Variants in CMKLR2 observed in about 807,000 individuals in gnomAD.
CMKLR2 encodes the protein chemerin chemokine-like receptor 2.
Under a neutral mutation model 23.0 loss-of-function variants are expected in CMKLR2, and 18 were observed. The observed-to-expected ratio is 0.78, with a 90% CI of 0.54 to 1.16. The LOEUF is 1.16. CMKLR2 is among the 50% of genes most tolerant of loss of function. The pLI, the probability that CMKLR2 is intolerant of heterozygous loss-of-function variation, is 0.00. For synonymous variants in CMKLR2, 158 were observed against 158.9 expected, an observed-to-expected ratio of 0.99 and a Z score of 0.05; for missense variants, 401 against 412.7, an observed-to-expected ratio of 0.97 and a Z score of 0.25.
At chr2:206,184,382 C>T (rs761932239) in intron 1 of CMKLR2, among the ~76,000 whole-genome samples, 10 of 151,346 alleles carry the variant, frequency 6.6e-5, no homozygotes, top group African/African-American at 2.4e-4. Flanking sequence ...CTGCAACCTC[C>T]GTCTCCCGGT....
chr2:206,198,061 G>A (rs1295358170), intron 1 of CMKLR2, among the ~76,000 whole-genome samples: 1 of 152,196 alleles, frequency 6.6e-6, no homozygotes, highest in Non-Finnish European at 1.5e-5. Context: ...ATGGAGGGTT[G>A]ACGTTAGGGT....
chr2:206,206,676 C>T (rs1232456916), intron 1 of CMKLR2, among the ~76,000 whole-genome samples: 2 of 152,156 alleles, frequency 1.3e-5, no homozygotes, highest in African/African-American at 2.4e-5. Context: ...TCTCCGCCAC[C>T]AACCTGTGGT....
chr2:206,201,110 C>T (rs924787118), intron 1 of CMKLR2, among the ~76,000 whole-genome samples: 6 of 152,114 alleles, frequency 3.9e-5, no homozygotes, highest in Non-Finnish European at 8.8e-5. Context: ...CACCACCACT[C>T]CTGGCTAATT....
chr2:206,191,016 A>C (rs958347957), intron 1 of CMKLR2, among the ~76,000 whole-genome samples: 1 of 152,212 alleles, frequency 6.6e-6, no homozygotes, highest in African/African-American at 2.4e-5. Flanking sequence ...GGTTAGGAAG[A>C]AACTTTTAGG....
intron 1 of CMKLR2, among the ~76,000 whole-genome samples, chr2:206,180,734 CATTATTATT>C (rs58356678): frequency 7.7e-6 from 1 of 130,562 alleles, no homozygotes; most frequent in Admixed American, 8.2e-5. Flanking sequence ...GTGCCCAGCC[CATTATTATT>C]ATTATTATTA....
intron 1 of CMKLR2, among the ~76,000 whole-genome samples, chr2:206,204,815 T>C (rs1017615600): frequency 6.6e-6 from 1 of 152,210 alleles, no homozygotes; most frequent in African/African-American, 2.4e-5. Context: ...AAATAATGGT[T>C]TCCTGCTGTT....
chr2:206,193,442 G>A (rs947910244), intron 1 of CMKLR2, among the ~76,000 whole-genome samples: 1 of 152,128 alleles, frequency 6.6e-6, no homozygotes, highest in Non-Finnish European at 1.5e-5. Flanking sequence ...CTTTTTATCA[G>A]GAAGAATATG....
At chr2:206,196,723 C>T (rs1229053051) in intron 1 of CMKLR2, among the ~76,000 whole-genome samples, 5 of 152,240 alleles carry the variant, frequency 3.3e-5, no homozygotes, top group Admixed American at 6.5e-5. Context: ...TTTAGTACTA[C>T]GTCAGAAGTC....
intron 1 of CMKLR2, among the ~76,000 whole-genome samples, chr2:206,195,857 G>T (rs986897274): frequency 3.3e-5 from 5 of 152,120 alleles, no homozygotes; most frequent in African/African-American, 9.7e-5. Flanking sequence ...GGGAGGCTGA[G>T]GCAGAAGAAT....
intron 1 of CMKLR2, among the ~76,000 whole-genome samples, chr2:206,182,342 C>T (rs377302317): frequency 3.9e-4 from 59 of 152,192 alleles, no homozygotes; most frequent in African/African-American, 1.3e-3. Context: ...TACAGCATTC[C>T]CCCTTCTGTC....
upstream of CMKLR2, among the ~76,000 whole-genome samples, chr2:206,214,643 A>C (rs1689690614): frequency 6.6e-6 from 1 of 151,156 alleles, no homozygotes; most frequent in Non-Finnish European, 1.5e-5. Context: ...TTTTTTTTTG[A>C]GACGGAGTCT....
intron 1 of CMKLR2, among the ~76,000 whole-genome samples, chr2:206,198,214 G>A (rs1688980210): frequency 6.6e-6 from 1 of 152,088 alleles, no homozygotes; most frequent in Non-Finnish European, 1.5e-5. Flanking sequence ...TGCCTCAATT[G>A]CCTTATCCTA....
At chr2:206,187,412 A>G (rs1035826234) in intron 1 of CMKLR2, among the ~76,000 whole-genome samples, 1 of 152,232 alleles carries the variant, frequency 6.6e-6, no homozygotes, top group African/African-American at 2.4e-5. Flanking sequence ...GAATTGACAG[A>G]CCCAATCTGT....
intron 1 of CMKLR2, among the ~76,000 whole-genome samples, chr2:206,181,022 T>C (rs1688395479): frequency 6.6e-6 from 1 of 151,514 alleles, no homozygotes; most frequent in Non-Finnish European, 1.5e-5. Context: ...CCCAAAGTGT[T>C]GTATTGGGAT....
At position 206,187,434 on chromosome 2, in the gene CMKLR2, C is replaced by T. The variant is rs73067888; in HGVS notation, c.-28-10159G>A. ...CAGACCCAATCTGTGGAGATTAGATCGTGAAAATGAACTGTGTGATAATGC... is the reference window on the plus strand; with the variant it reads ...CAGACCCAATCTGTGGAGATTAGATTGTGAAAATGAACTGTGTGATAATGC... On this transcript the variant is annotated intron_variant, in intron 1 of 1. Transcript: ENST00000621141. Among the ~76,000 whole-genome samples, 1,389 of 152,220 alleles carry T rather than the reference C, an allele frequency of 9.1e-3. 13 individuals carry two copies. Among genetic ancestry groups the T allele is most frequent in the African/African-American group, 0.031 (1,288 of 41,524 alleles).
chr2:206,189,633 T>G (rs925734391), intron 1 of CMKLR2, among the ~76,000 whole-genome samples: 3 of 141,056 alleles, frequency 2.1e-5, no homozygotes, highest in Non-Finnish European at 4.6e-5. Flanking sequence ...AGACTTCATC[T>G]AAAAAGAAAA....
intron 1 of CMKLR2, among the ~76,000 whole-genome samples, chr2:206,212,465 T>C (rs1004886630): frequency 6.6e-6 from 1 of 151,818 alleles, no homozygotes; most frequent in African/African-American, 2.4e-5. Flanking sequence ...GGTGAATGAG[T>C]CTGCCTTAAG....
chr2:206,189,629 C>T lies in CMKLR2; in HGVS notation c.-28-12354G>A, dbSNP rs182486407. On this transcript the variant is annotated intron_variant, in intron 1 of 1. Transcript: ENST00000621141. ...CAGCCTGGGCAATAGAGTGAGACTT[C>T]ATCTAAAAAGAAAAAAAAAAAAGAA... Among the ~76,000 whole-genome samples, 4 of 146,134 alleles carry T rather than the reference C, an allele frequency of 2.7e-5. No individual in the cohort carries two copies. The East Asian group carries it at 8.0e-4, about 29-fold the overall frequency.
chr2:206,176,704 T>G lies in CMKLR2; in HGVS notation c.544A>C (p.Asn182His), dbSNP rs200101630. 1.2e-6 allele frequency: 2 copies of G among 1,614,082 alleles called. No individual in the cohort carries two copies. Among genetic ancestry groups the G allele is most frequent in the Non-Finnish European group, 1.7e-6 (2 of 1,180,042 alleles). Residue 182 changes from asparagine to histidine, a missense_variant, in exon 2 of 2, where the codon AAT becomes CAT. Transcript: ENST00000621141. ...ALYFRDTVEF[N>H]NHTLCYNNFQ... ...TTGTTATAGCAAAGAGTATGATTAT[T>G]GAACTCCACAGTGTCCCGGAAGTAC...
Sources: gnomAD v4.1 joint callset for allele counts (sites outside exome capture counted in the v4.1 genomes callset) on GRCh38, gnomAD v4.1.1 for gene constraint, MANE v1.5 for transcripts, NCBI Gene and HGNC (gene_info 2026-07-23, HGNC 2026-07-21) for gene names.